ERC1: variants seen among roughly 807,000 people sequenced by gnomAD.
ERC1 encodes the protein RAB6 interacting protein 2.
In ERC1, 56 loss-of-function variants were observed where a neutral mutation model predicts 132.0. The observed-to-expected ratio is 0.42, with a 90% confidence interval of 0.34 to 0.53. The LOEUF is 0.53. ERC1 is among the 20% of genes least tolerant of loss of function. The pLI, the probability that ERC1 is intolerant of heterozygous loss-of-function variation, is 0.03. For missense variants in ERC1, 1,202 were observed against 1,349.9 expected, an observed-to-expected ratio of 0.89 and a Z score of 1.72; for synonymous variants, 478 against 476.1, an observed-to-expected ratio of 1.00 and a Z score of -0.05.
In ERC1 at chr12:1,495,894, C is replaced by T. The variant is rs955390287; in HGVS notation, c.*5664C>T. The T allele has an allele frequency of 2.1e-5, 4 of 186,118 alleles. No homozygotes were observed. The highest frequency in any genetic ancestry group is 9.4e-5 in the African/African-American group (4 of 42,626). The allele number at this position is 186,118 out of a possible 1,614,324, so 11.5% of individuals were successfully genotyped here. On this transcript the variant is annotated 3_prime_UTR_variant, in exon 19 of 19. Coordinates refer to ENST00000360905, the MANE Select transcript of ERC1 (RefSeq NM_178040.4). The stretch of plus-strand genomic sequence containing the variant: ...TCATTTTTTCTTTTTTATTCACAAA[C>T]TAAATCCACCAGGAAATTATAAAGT...
rs577142472 is a variant in ERC1 at position 1,039,927 on chromosome 12, G to GT, written c.669+11359dup. ...TATGTTCTCATCCAGCTCGATTTGTGTTTTGGTTCTCTGTCTTTATTGTGG... is the reference window on the plus strand; with the variant it reads ...TATGTTCTCATCCAGCTCGATTTGTGTTTTTGGTTCTCTGTCTTTATTGTGG... On this transcript the variant is annotated intron_variant, in intron 2 of 18. Coordinates refer to ENST00000360905, the MANE Select transcript of ERC1 (RefSeq NM_178040.4). Among the ~76,000 whole-genome samples, 172 of 152,280 alleles carry GT rather than the reference G, an allele frequency of 1.1e-3. 3 individuals carry two copies. Among genetic ancestry groups the GT allele is most frequent in the Admixed American group, 0.011 (162 of 15,296 alleles).
At chr12:1,075,533 A>T (rs1312213127) in intron 2 of ERC1, among the ~76,000 whole-genome samples, 1 of 152,172 alleles carries the variant, frequency 6.6e-6, no homozygotes, top group African/African-American at 2.4e-5. Flanking sequence ...TCTACTAAAA[A>T]TACAAACATT....
intron 15 of ERC1, among the ~76,000 whole-genome samples, chr12:1,367,912 G>A (rs2086812459): frequency 6.7e-6 from 1 of 148,918 alleles, no homozygotes; most frequent in African/African-American, 2.5e-5. Flanking sequence ...TGGGCGGGGG[G>A]ATTACTAATA....
At chr12:1,397,473 G>C (rs1444798184) in intron 16 of ERC1, among the ~76,000 whole-genome samples, 2 of 152,190 alleles carry the variant, frequency 1.3e-5, no homozygotes, top group Non-Finnish European at 2.9e-5. Flanking sequence ...ATACTGTGCA[G>C]CTGTAGAAAG....
intron 16 of ERC1, among the ~76,000 whole-genome samples, chr12:1,375,733 C>CTTTTTTTT (rs35535185): frequency 1.3e-4 from 14 of 107,106 alleles, no homozygotes; most frequent in South Asian, 3.1e-4. Context: ...GCTCTTGTTC[C>CTTTTTTTT]TTTTTTTTTT....
At chr12:1,230,242 G>A (rs983920365) in intron 12 of ERC1, among the ~76,000 whole-genome samples, 1 of 151,920 alleles carries the variant, frequency 6.6e-6, no homozygotes, top group African/African-American at 2.4e-5. Flanking sequence ...CAAGTGATCC[G>A]CCCACCTCAG....
At chr12:1,034,990 G>T (rs1968790132) in intron 2 of ERC1, among the ~76,000 whole-genome samples, 1 of 152,170 alleles carries the variant, frequency 6.6e-6, no homozygotes, top group Admixed American at 6.5e-5. Context: ...TGGCAGCGAT[G>T]CATTCTCCGT....
chr12:1,008,104 G>A (rs776511685), intron 1 of ERC1, among the ~76,000 whole-genome samples: 9 of 152,092 alleles, frequency 5.9e-5, no homozygotes, highest in Non-Finnish European at 1.2e-4. Context: ...TGTTACCCAG[G>A]GATTCTGCTA....
chr12:1,215,996 G>A (rs1958370589), intron 12 of ERC1, among the ~76,000 whole-genome samples: 2 of 152,122 alleles, frequency 1.3e-5, no homozygotes, highest in Admixed American at 1.3e-4. Flanking sequence ...CATAAAACCA[G>A]AATCTTATTG....
At chr12:1,350,443 T>G (rs542999884) in intron 15 of ERC1, among the ~76,000 whole-genome samples, 1 of 152,360 alleles carries the variant, frequency 6.6e-6, no homozygotes, top group Non-Finnish European at 1.5e-5. Context: ...TCTGGCTCCA[T>G]GAATCACTTT....
chr12:1,221,453 TA>T (rs970126659), intron 12 of ERC1, among the ~76,000 whole-genome samples: 4 of 152,176 alleles, frequency 2.6e-5, no homozygotes, highest in African/African-American at 4.8e-5. Context: ...CCTTGCTGAT[TA>T]AAAAAATGTT....
chr12:1,418,571 TTCTTTCTTTCTTTCTTTCTC>T (rs1284426529), intron 17 of ERC1, among the ~76,000 whole-genome samples: 59 of 125,146 alleles, frequency 4.7e-4, no homozygotes, highest in African/African-American at 1.7e-3. Flanking sequence ...TTCATTTTCT[TTCTTTCTTTCTTTCTTTCTC>T]TTTCTTTCTT....
intron 7 of ERC1, among the ~76,000 whole-genome samples, chr12:1,132,487 C>T (rs550973415): frequency 3.9e-5 from 6 of 152,200 alleles, no homozygotes; most frequent in East Asian, 1.9e-4. Context: ...CAGTGCCGTG[C>T]GGGTATTTAT....
chr12:1,121,213 A>C (rs1292888240), intron 7 of ERC1, among the ~76,000 whole-genome samples: 2 of 152,256 alleles, frequency 1.3e-5, no homozygotes, highest in Non-Finnish European at 2.9e-5. Flanking sequence ...CGATCGATTC[A>C]AACCCGCAAA....
chr12:1,487,725 T>C (rs2094249627), intron 18 of ERC1, among the ~76,000 whole-genome samples: 1 of 127,742 alleles, frequency 7.8e-6, no homozygotes, highest in African/African-American at 3.0e-5. Context: ...CTCAAATTAA[T>C]AGAAAGAGAG....
chr12:1,489,715 G>A (rs1312005489), intron 18 of ERC1, among the ~76,000 whole-genome samples: 3 of 152,160 alleles, frequency 2.0e-5, no homozygotes, highest in Non-Finnish European at 2.9e-5. Flanking sequence ...TAAATTCTAA[G>A]TTCCCTTAGG....
intron 12 of ERC1, among the ~76,000 whole-genome samples, chr12:1,205,074 CAT>C (rs1161909180): frequency 1.3e-5 from 2 of 152,096 alleles, no homozygotes; most frequent in African/African-American, 2.4e-5. Context: ...TGTAGCGGAA[CAT>C]ATTTTGTTTC....
chr12:1,386,054 T>C (rs2089306146), intron 16 of ERC1: 1 of 89,304 alleles, frequency 1.1e-5, no homozygotes, highest in Admixed American at 1.0e-4. Flanking sequence ...TTTTTTTTTT[T>C]TTTGAGACAG....
intron 2 of ERC1, among the ~76,000 whole-genome samples, chr12:1,041,315 C>G (rs1280517241): frequency 6.6e-6 from 1 of 151,620 alleles, no homozygotes; most frequent in Non-Finnish European, 1.5e-5. Flanking sequence ...TCAAGTGATT[C>G]TCCTGCCTCA....
Sources: allele counts gnomAD v4.1 joint callset (sites outside exome capture counted in the v4.1 genomes callset), GRCh38; gene constraint gnomAD v4.1.1; transcripts MANE v1.5; gene names NCBI Gene and HGNC (gene_info 2026-07-23, HGNC 2026-07-21).